GAB2: variants seen among roughly 807,000 people sequenced by gnomAD.
GAB2 encodes GRB2 associated binding protein 2, also known as GRB2-associated-binding protein 2.
A neutral mutation model predicts 65.5 loss-of-function variants in GAB2; 26 were observed. The observed-to-expected ratio is 0.40, with a 90% confidence interval of 0.29 to 0.55. The LOEUF (loss-of-function observed/expected upper bound fraction) is 0.55, where lower values mean the gene tolerates loss of function less well. GAB2 is among the 20% of genes least tolerant of loss of function. The pLI is 0.53. For missense variants in GAB2, 884 were observed against 875.8 expected (o/e 1.01, Z -0.12); for synonymous variants, 321 against 329.6 (o/e 0.97, Z 0.28).
intron 1 of GAB2, among the ~76,000 whole-genome samples, chr11:78,416,827 T>C (rs1857202868): frequency 6.7e-6 from 1 of 149,528 alleles, no homozygotes; most frequent in Non-Finnish European, 1.5e-5. Flanking sequence ...AGCGCCACGC[T>C]GTTCCACCTC....
At chr11:78,397,441 C>A (rs1202245021) in intron 1 of GAB2, among the ~76,000 whole-genome samples, 1 of 152,314 alleles carries the variant, frequency 6.6e-6, no homozygotes, top group East Asian at 1.9e-4. Context: ...CTGAGTGGTA[C>A]TAAGGCCTGA....
In GAB2 at chr11:78,323,790, C is replaced by CTTTTTTT. The variant is rs749282969; in HGVS notation, c.76-42896_76-42890dup. Among the ~76,000 whole-genome samples, 466 of 77,240 alleles carry CTTTTTTT rather than the reference C, an allele frequency of 6.0e-3. 9 individuals are homozygous for CTTTTTTT. The highest frequency in any genetic ancestry group is 0.016 in the Middle Eastern group (1 of 62). 50.7% of individuals were successfully genotyped at this position (77,240 alleles called of 152,430 possible). On this transcript the variant is annotated intron_variant, in intron 1 of 9. Transcript: ENST00000361507. ...CTACACGTGTACCCCCTGAATCTTT[C>CTTTTTTT]TTTTTTTTTTTTTTTTTTTTTTTTT...
chr11:78,376,274 G>T (rs1478646264), intron 1 of GAB2, among the ~76,000 whole-genome samples: 1 of 152,104 alleles, frequency 6.6e-6, no homozygotes, highest in Admixed American at 6.5e-5. Context: ...TGCCTGTTTT[G>T]GCATTAATAA....
chr11:78,408,317 T>C (rs1254963220), intron 1 of GAB2, among the ~76,000 whole-genome samples: 1 of 152,206 alleles, frequency 6.6e-6, no homozygotes, highest in Non-Finnish European at 1.5e-5. Context: ...AGACTTCATT[T>C]AGATTATAAG....
chr11:78,342,404 C>CTTTT (rs143105179), intron 1 of GAB2, among the ~76,000 whole-genome samples: 98 of 109,872 alleles, frequency 8.9e-4, no homozygotes, highest in African/African-American at 2.2e-3. Context: ...ACACTTTGCA[C>CTTTT]TTTTTTTTTT....
rs147910438 is a variant in GAB2, at chr11:78,386,793, G to T, written c.75+30853C>A. Among the ~76,000 whole-genome samples the T allele has an allele frequency of 1.2e-4, 18 of 152,320 alleles. No homozygotes were observed. In the East Asian group the frequency reaches 3.5e-3, roughly 29 times the overall value. On this transcript the variant is annotated intron_variant, in intron 1 of 9. Coordinates refer to ENST00000361507, the MANE Select transcript of GAB2 (RefSeq NM_080491.3). ...AATGACCGCAGTCAGGGCCAGGCAA[G>T]ATGTAAATTGTTTACTCATGTTATT...
In GAB2 at chr11:78,225,107, C is replaced by T; in HGVS notation, c.1302+1G>A. 1 of 1,605,362 alleles carries T rather than the reference C, an allele frequency of 6.2e-7. No homozygotes were observed. Among genetic ancestry groups the T allele is most frequent in the South Asian group, 1.1e-5 (1 of 90,912 alleles). ...GGACCCTTGGGTTAACCCACACTCA[C>T]CAGGAAAGAGCCAACTCCATCACTC... On this transcript the variant is annotated splice_donor_variant, in intron 5 of 9. Coordinates refer to ENST00000361507, the MANE Select transcript of GAB2 (RefSeq NM_080491.3). LOFTEE classifies it high-confidence loss of function.
At chr11:78,262,946 A>G (rs1865772713) in intron 2 of GAB2, among the ~76,000 whole-genome samples, 3 of 152,208 alleles carry the variant, frequency 2.0e-5, no homozygotes, top group African/African-American at 7.2e-5. Context: ...TATTTACATA[A>G]TTGTTTATGG....
At chr11:78,360,839 A>G (rs1856425280) in intron 1 of GAB2, among the ~76,000 whole-genome samples, 1 of 152,190 alleles carries the variant, frequency 6.6e-6, no homozygotes. Flanking sequence ...AACCTGGGCA[A>G]CAGAGCAAAA....
chr11:78,332,571 T>C (rs1225481425), intron 1 of GAB2, among the ~76,000 whole-genome samples: 3 of 152,178 alleles, frequency 2.0e-5, no homozygotes, highest in South Asian at 2.1e-4. Context: ...TGACATCCTA[T>C]GTTTAAGTGA....
chr11:78,353,372 C>T (rs553380285), intron 1 of GAB2, among the ~76,000 whole-genome samples: 8 of 152,234 alleles, frequency 5.3e-5, no homozygotes, highest in East Asian at 3.9e-4. Flanking sequence ...ACCCAGAAAG[C>T]GGAGGTTGCA....
intron 1 of GAB2, among the ~76,000 whole-genome samples, chr11:78,337,599 A>C (rs919741969): frequency 6.6e-6 from 1 of 152,224 alleles, no homozygotes; most frequent in African/African-American, 2.4e-5. Context: ...AGAAAATAAA[A>C]GTCTTCCCTC....
At chr11:78,406,852 T>C (rs1857051977) in intron 1 of GAB2, among the ~76,000 whole-genome samples, 1 of 151,480 alleles carries the variant, frequency 6.6e-6, no homozygotes, top group Admixed American at 6.6e-5. Context: ...AAATGGAAAA[T>C]TGGAAAGCCT....
At chr11:78,308,458 C>G (rs1021279442) in intron 1 of GAB2, among the ~76,000 whole-genome samples, 1 of 152,146 alleles carries the variant, frequency 6.6e-6, no homozygotes, top group African/African-American at 2.4e-5. Flanking sequence ...GGTTACAAGA[C>G]AGGATCCTGG....
At chr11:78,267,857 CA>C (rs751533828) in intron 2 of GAB2, among the ~76,000 whole-genome samples, 1,131 of 32,772 alleles carry the variant, frequency 0.035, 4 homozygotes, top group African/African-American at 0.098. Context: ...GACTCCGTCT[CA>C]AAAAAAAAAA....
intron 1 of GAB2, among the ~76,000 whole-genome samples, chr11:78,304,276 A>G (rs941096825): frequency 1.3e-5 from 2 of 152,170 alleles, no homozygotes; most frequent in African/African-American, 4.8e-5. Context: ...GTATATTCAC[A>G]AGATTATGCA....
At position 78,403,322 on chromosome 11, in the gene GAB2, G is replaced by T. The variant is rs530814049; in HGVS notation, c.75+14324C>A. ...TTGAGTTTTAAAGAGTTAAACTGCA[G>T]GATAATTATGGCAATACTATGTAAG... On this transcript the variant is annotated intron_variant, in intron 1 of 9. Coordinates refer to ENST00000361507, the MANE Select transcript of GAB2 (RefSeq NM_080491.3). 7.2e-5 allele frequency among the ~76,000 whole-genome samples: 11 copies of T among 152,304 alleles called. No homozygotes were observed. The South Asian group carries it at 2.3e-3, about 32-fold the overall frequency.
intron 1 of GAB2, among the ~76,000 whole-genome samples, chr11:78,341,068 C>A (rs1023985160): frequency 6.6e-6 from 1 of 152,176 alleles, no homozygotes; most frequent in Non-Finnish European, 1.5e-5. Flanking sequence ...ATGTGCCTGG[C>A]ATTAAAGGTG....
intron 1 of GAB2, among the ~76,000 whole-genome samples, chr11:78,285,949 T>C (rs1054880990): frequency 9.9e-5 from 15 of 152,250 alleles, no homozygotes; most frequent in African/African-American, 2.7e-4. Flanking sequence ...ATGAGTGTTT[T>C]TGTACTTGTC....
Sources: allele counts gnomAD v4.1 joint callset (sites outside exome capture counted in the v4.1 genomes callset), GRCh38; gene constraint gnomAD v4.1.1; transcripts MANE v1.5; gene names NCBI Gene and HGNC (gene_info 2026-07-23, HGNC 2026-07-21).